Variants in RUNX2 observed in about 807,000 individuals in gnomAD.
The protein encoded by RUNX2 is RUNX family transcription factor 2.
Under a neutral mutation model 51.7 loss-of-function variants are expected in RUNX2, and 10 were observed. The observed-to-expected ratio is 0.19, with a 90% CI of 0.12 to 0.33. The LOEUF (loss-of-function observed/expected upper bound fraction) is 0.33, where lower values mean the gene tolerates loss of function less well. Among genes scored for constraint, RUNX2 ranks in the 10% least tolerant of loss-of-function variants. RUNX2 has a pLI of 1.00. For synonymous variants in RUNX2, 276 were observed against 273.6 expected (o/e 1.01, Z -0.09); for missense variants, 562 against 691.3 (o/e 0.81, Z 2.10).
At chr6:45,343,275 C>T (rs1196387906) in intron 2 of RUNX2, among the ~76,000 whole-genome samples, 2 of 151,956 alleles carry the variant, frequency 1.3e-5, no homozygotes, top group Non-Finnish European at 2.9e-5. Flanking sequence ...TTTGGGAGGC[C>T]GAGGCGGGCA....
At chr6:45,509,355 A>G (rs1256192661) in intron 6 of RUNX2, among the ~76,000 whole-genome samples, 1 of 152,216 alleles carries the variant, frequency 6.6e-6, no homozygotes, top group Admixed American at 6.5e-5. Flanking sequence ...TATATACTTA[A>G]TATGTGCTAA....
chr6:45,519,897 G>A (rs1801452779), intron 7 of RUNX2, among the ~76,000 whole-genome samples: 2 of 149,758 alleles, frequency 1.3e-5, no homozygotes, highest in South Asian at 2.1e-4. Context: ...GCATGATCTC[G>A]GCTCATGGCA....
At chr6:45,336,239 C>T (rs1269719144) in intron 2 of RUNX2, among the ~76,000 whole-genome samples, 5 of 151,354 alleles carry the variant, frequency 3.3e-5, no homozygotes, top group African/African-American at 1.2e-4. Context: ...AAAGTGTTAG[C>T]TAGATAAGGA....
At chr6:45,448,754 T>C (rs972136870) in intron 5 of RUNX2, among the ~76,000 whole-genome samples, 3 of 152,188 alleles carry the variant, frequency 2.0e-5, no homozygotes, top group African/African-American at 7.2e-5. Flanking sequence ...GTAAAAACGC[T>C]AGCATGTATT....
intron 5 of RUNX2, among the ~76,000 whole-genome samples, chr6:45,483,118 T>G (rs1050678930): frequency 3.0e-4 from 45 of 152,222 alleles, no homozygotes; most frequent in Non-Finnish European, 5.3e-4. Context: ...CTGTCTCTAC[T>G]CACGAGCTAT....
At chr6:45,400,961 A>G (rs371799586) in intron 2 of RUNX2, among the ~76,000 whole-genome samples, 12 of 152,346 alleles carry the variant, frequency 7.9e-5, no homozygotes, top group African/African-American at 2.9e-4. Flanking sequence ...ATGATAAAGC[A>G]AGTATAATAA....
intron 2 of RUNX2, among the ~76,000 whole-genome samples, chr6:45,360,278 G>A (rs552903419): frequency 2.3e-4 from 35 of 152,176 alleles, no homozygotes; most frequent in Non-Finnish European, 4.4e-4. Flanking sequence ...ACAGAGTTGT[G>A]TGAGGATGAA....
At chr6:45,496,178 T>C (rs1381329667) in intron 6 of RUNX2, among the ~76,000 whole-genome samples, 1 of 152,152 alleles carries the variant, frequency 6.6e-6, no homozygotes, top group African/African-American at 2.4e-5. Flanking sequence ...GCTTAAGATA[T>C]CTTTAAACTC....
intron 2 of RUNX2, among the ~76,000 whole-genome samples, chr6:45,372,554 T>A (rs1796232532): frequency 6.6e-6 from 1 of 152,234 alleles, no homozygotes; most frequent in Non-Finnish European, 1.5e-5. Context: ...TATATTTGTA[T>A]GTTATTTTAG....
intron 6 of RUNX2, among the ~76,000 whole-genome samples, chr6:45,510,500 TG>T (rs1801108101): frequency 6.6e-6 from 1 of 152,216 alleles, no homozygotes; most frequent in African/African-American, 2.4e-5. Context: ...ACTAAACTGC[TG>T]TGACTGTATA....
intron 2 of RUNX2, among the ~76,000 whole-genome samples, chr6:45,369,848 C>T (rs1795765557): frequency 1.3e-5 from 2 of 152,040 alleles, no homozygotes; most frequent in South Asian, 4.1e-4. Flanking sequence ...TTGATTTCAA[C>T]TGGGAGGTGG....
At chr6:45,512,543 AT>A in intron 7 of RUNX2, 136 bp downstream of exon 7, 1 of 932,046 alleles carries the variant, frequency 1.1e-6, no homozygotes, top group Non-Finnish European at 1.7e-6. Flanking sequence ...CAACTGGCAA[AT>A]TAAATCTTCT....
rs3805822 is a variant in RUNX2 at position 45,430,924 on chromosome 6, A to G, written c.424-939A>G. Among the ~76,000 whole-genome samples, 13 of 152,336 alleles carry G rather than the reference A, an allele frequency of 8.5e-5. No homozygotes were observed. In the East Asian group the frequency reaches 2.5e-3, roughly 29 times the overall value. On this transcript the variant is annotated intron_variant, in intron 3 of 8. Coordinates refer to ENST00000647337, the MANE Select transcript of RUNX2 (RefSeq NM_001024630.4). ...GGCAATGGATTAGGAGGAGTGTTTC[A>G]TATATGACAGTGAAGGATCTGCACC...
chr6:45,351,749 C>T (rs1195359372), intron 2 of RUNX2, among the ~76,000 whole-genome samples: 1 of 152,120 alleles, frequency 6.6e-6, no homozygotes, highest in Non-Finnish European at 1.5e-5. Flanking sequence ...ATCAGAACCT[C>T]CAACATCTCA....
chr6:45,380,616 ACCCAGGCTGGAGTGCAGTGGC>A (rs1047439219), intron 2 of RUNX2, among the ~76,000 whole-genome samples: 2 of 152,144 alleles, frequency 1.3e-5, no homozygotes, highest in Non-Finnish European at 2.9e-5. Context: ...TCGCTCTGTC[ACCCAGGCTGGAGTGCAGTGGC>A]CCGATCTCGG....
chr6:45,370,859 A>T (rs928342353), intron 2 of RUNX2, among the ~76,000 whole-genome samples: 1 of 152,124 alleles, frequency 6.6e-6, no homozygotes, highest in African/African-American at 2.4e-5. Flanking sequence ...TTAGTCTCAC[A>T]TTAAGTTTCT....
intron 5 of RUNX2, among the ~76,000 whole-genome samples, chr6:45,491,685 C>G (rs1356252963): frequency 2.2e-5 from 3 of 137,430 alleles, no homozygotes; most frequent in Non-Finnish European, 3.1e-5. Context: ...TCCTGCCTCT[C>G]TATTGATGCT....
At chr6:45,442,230 T>A (rs1226191523) in intron 5 of RUNX2, among the ~76,000 whole-genome samples, 1 of 152,244 alleles carries the variant, frequency 6.6e-6, no homozygotes, top group African/African-American at 2.4e-5. Flanking sequence ...TTATTTTCTT[T>A]GCCAGCTTAT....
intron 2 of RUNX2, among the ~76,000 whole-genome samples, chr6:45,406,931 A>G (rs960954904): frequency 1.3e-5 from 2 of 152,188 alleles, no homozygotes; most frequent in Non-Finnish European, 2.9e-5. Context: ...TTAAATACTG[A>G]GTAGTATCAA....
Sources: gnomAD v4.1 joint callset for allele counts (sites outside exome capture counted in the v4.1 genomes callset) on GRCh38, gnomAD v4.1.1 for gene constraint, MANE v1.5 for transcripts, NCBI Gene and HGNC (gene_info 2026-07-23, HGNC 2026-07-21) for gene names.